The following PACRG variants were observed in gnomAD, a reference collection of about 807,000 sequenced individuals.
PACRG encodes the protein parkin coregulated.
PACRG carries 29 observed loss-of-function variants against 29.7 expected under a neutral mutation model. The ratio of observed to expected loss-of-function variants is 0.98; its 90% CI spans 0.73 to 1.33. The LOEUF is 1.33. PACRG is among the 40% of genes most tolerant of loss of function. PACRG has a pLI of 0.00. For synonymous variants in PACRG, 116 were observed against 118.7 expected (o/e 0.98, Z 0.15); for missense variants, 279 against 316.2 (o/e 0.88, Z 0.89).
chr6:163,179,125 T>C (rs571903804), intron 4 of PACRG: 2 of 430,852 alleles, frequency 4.6e-6, no homozygotes, highest in East Asian at 1.5e-4. Flanking sequence ...GTTTCCTTTT[T>C]GGGCATGGAC....
At chr6:163,011,867 C>T (rs1421658371) in intron 2 of PACRG, among the ~76,000 whole-genome samples, 1 of 152,112 alleles carries the variant, frequency 6.6e-6, no homozygotes, top group African/African-American at 2.4e-5. Flanking sequence ...TTAGCCTGAG[C>T]CCACACAGGG....
At chr6:162,848,290 C>T (rs894233663) in intron 2 of PACRG, among the ~76,000 whole-genome samples, 4 of 152,126 alleles carry the variant, frequency 2.6e-5, no homozygotes, top group Admixed American at 6.5e-5. Context: ...TACCTTTTAC[C>T]GAAATGTGTC....
intron 4 of PACRG, among the ~76,000 whole-genome samples, chr6:163,285,447 C>G (rs1784366545): frequency 6.6e-6 from 1 of 152,172 alleles, no homozygotes; most frequent in Non-Finnish European, 1.5e-5. Flanking sequence ...AGCTCCTCTT[C>G]CCTGCTAGAG....
chr6:163,059,598 A>G (rs1354122156), intron 2 of PACRG, among the ~76,000 whole-genome samples: 1 of 152,220 alleles, frequency 6.6e-6, no homozygotes, highest in African/African-American at 2.4e-5. Context: ...GTGCCAAACA[A>G]CAAAGCCTGA....
intron 2 of PACRG, among the ~76,000 whole-genome samples, chr6:162,944,796 TA>T (rs1247969275): frequency 6.6e-6 from 1 of 151,634 alleles, no homozygotes; most frequent in African/African-American, 2.4e-5. Flanking sequence ...GAAAAAGGAT[TA>T]AAAAAATGAA....
chr6:162,928,302 A>G (rs1797600566), intron 2 of PACRG, among the ~76,000 whole-genome samples: 1 of 151,982 alleles, frequency 6.6e-6, no homozygotes, highest in South Asian at 2.1e-4. Context: ...TTGTTGGCAT[A>G]TAGTTGTTCA....
intron 4 of PACRG, among the ~76,000 whole-genome samples, chr6:163,102,271 G>GGGTACAA (rs1299333627): frequency 6.6e-6 from 1 of 152,236 alleles, no homozygotes; most frequent in Non-Finnish European, 1.5e-5. Flanking sequence ...TCAGGGTACA[G>GGGTACAA]TTTGGAACAG....
chr6:163,195,960 G>A (rs911342190), intron 4 of PACRG, among the ~76,000 whole-genome samples: 13 of 152,102 alleles, frequency 8.5e-5, no homozygotes, highest in Non-Finnish European at 1.8e-4. Context: ...CCAGCAGGGC[G>A]CAGCTCCCTC....
intron 1 of PACRG, among the ~76,000 whole-genome samples, chr6:162,798,025 A>G (rs564390156): frequency 1.3e-5 from 2 of 152,246 alleles, no homozygotes; most frequent in East Asian, 3.9e-4. Flanking sequence ...TTTTTCATCA[A>G]TTAGTAAGTT....
intron 4 of PACRG, among the ~76,000 whole-genome samples, chr6:163,269,685 A>G (rs998518240): frequency 2.6e-5 from 4 of 151,694 alleles, no homozygotes; most frequent in Admixed American, 6.6e-5. Context: ...ATCTTTAAAA[A>G]AGTGATTCAA....
chr6:162,932,170 G>A (rs375403309), intron 2 of PACRG, among the ~76,000 whole-genome samples: 4 of 151,910 alleles, frequency 2.6e-5, no homozygotes, highest in South Asian at 2.1e-4. Flanking sequence ...AAAGGAGTAC[G>A]TACTTTATGT....
chr6:163,211,987 G>C (rs919540997), intron 4 of PACRG, among the ~76,000 whole-genome samples: 4 of 152,128 alleles, frequency 2.6e-5, no homozygotes, highest in Middle Eastern at 3.2e-3. Flanking sequence ...ACATCTGTGT[G>C]GTTGGGAAGC....
chr6:162,978,668 A>C (rs550560406), intron 2 of PACRG, among the ~76,000 whole-genome samples: 3 of 152,358 alleles, frequency 2.0e-5, no homozygotes, highest in East Asian at 3.9e-4. Flanking sequence ...CTTCTAAAAA[A>C]AACTGTAGAA....
intron 1 of PACRG, among the ~76,000 whole-genome samples, chr6:162,750,764 T>A (rs4568424): frequency 3.3e-5 from 5 of 151,980 alleles, no homozygotes; most frequent in African/African-American, 9.7e-5. Flanking sequence ...TACAAGGTAC[T>A]TGCTCAGCAA....
chr6:163,156,024 C>G (rs1444299917), intron 4 of PACRG, among the ~76,000 whole-genome samples: 1 of 152,242 alleles, frequency 6.6e-6, no homozygotes, highest in African/African-American at 2.4e-5. Context: ...CCGAGACAGG[C>G]CGAGGGGCCC....
chr6:162,976,033 G>T (rs1801929610), intron 2 of PACRG, among the ~76,000 whole-genome samples: 1 of 152,098 alleles, frequency 6.6e-6, no homozygotes, highest in African/African-American at 2.4e-5. Flanking sequence ...CATGGAGGTG[G>T]GCAGGGCAGG....
chr6:162,763,519 C>T (rs1245599788), intron 1 of PACRG, among the ~76,000 whole-genome samples: 1 of 152,126 alleles, frequency 6.6e-6, no homozygotes, highest in Non-Finnish European at 1.5e-5. Flanking sequence ...AAGTCACAAC[C>T]CTTTTTGAAT....
chr6:163,314,746 G>C, intron 4 of PACRG, 81 bp from the exon 5 acceptor site: 1 of 1,446,278 alleles, frequency 6.9e-7, no homozygotes, highest in Non-Finnish European at 9.3e-7. Flanking sequence ...TAAGCATTCA[G>C]AGAAAATGCC....
rs573965808 is a variant in PACRG, at chr6:162,926,599, C to T, written c.291+112318C>T. On this transcript the variant is annotated intron_variant, in intron 2 of 4. Coordinates refer to ENST00000366888, the MANE Select transcript of PACRG (RefSeq NM_001080379.2). ...TGATGCTGTGAGAGAACTGGCTAAC[C>T]ATATGCGGAAAACTGAAACTGGGTC... Among the ~76,000 whole-genome samples, 5 of 152,246 alleles carry T rather than the reference C, an allele frequency of 3.3e-5. No individual in the cohort carries two copies. In the South Asian group the frequency reaches 1.0e-3, roughly 32 times the overall value.
Sources: allele counts gnomAD v4.1 joint callset (sites outside exome capture counted in the v4.1 genomes callset), GRCh38; gene constraint gnomAD v4.1.1; transcripts MANE v1.5; gene names NCBI Gene and HGNC (gene_info 2026-07-23, HGNC 2026-07-21).